The following AFTPH variants were observed in gnomAD, a reference collection of about 807,000 sequenced individuals.
AFTPH encodes the protein aftiphilin.
In AFTPH, 7 loss-of-function variants were observed where a neutral mutation model predicts 72.5. That is an observed-to-expected ratio of 0.10 (90% CI 0.05 to 0.18). AFTPH has a LOEUF of 0.18. AFTPH is among the 10% of genes least tolerant of loss of function. AFTPH has a pLI of 1.00. For synonymous variants in AFTPH, 337 were observed against 370.1 expected (o/e 0.91, Z 1.03); for missense variants, 979 against 1,060.5 (o/e 0.92, Z 1.07).
chr2:64,527,556 G>T (rs954713846), intron 1 of AFTPH, among the ~76,000 whole-genome samples: 8 of 150,340 alleles, frequency 5.3e-5, no homozygotes, highest in Admixed American at 5.3e-4. Context: ...CTCCAGCCTG[G>T]GCAACAAGAG....
chr2:64,567,577 C>T (rs1197445017), exon 3 of AFTPH: 18 of 1,607,872 alleles, frequency 1.1e-5, no homozygotes, highest in African/African-American at 4.0e-5. Context: ...TTTATTAAAC[C>T]GCCTGGAGCG....
intron 2 of AFTPH, among the ~76,000 whole-genome samples, chr2:64,563,380 CA>C: frequency 6.6e-6 from 1 of 152,282 alleles, no homozygotes; most frequent in South Asian, 2.1e-4. Context: ...AGTTTTGATA[CA>C]CCTTTTATCC....
chr2:64,553,312 A>G (rs746934237), exon 2 of AFTPH: 47 of 1,613,996 alleles, frequency 2.9e-5, no homozygotes, highest in South Asian at 1.9e-4. Context: ...GAAAATATTG[A>G]TACTCCAGGA....
At chr2:64,531,632 C>T (rs1437560769) in intron 1 of AFTPH, among the ~76,000 whole-genome samples, 7 of 152,252 alleles carry the variant, frequency 4.6e-5, no homozygotes, top group African/African-American at 1.7e-4. Context: ...AGCCACTAGC[C>T]AAATGTGTCA....
intron 1 of AFTPH, among the ~76,000 whole-genome samples, chr2:64,536,294 G>A (rs1669880419): frequency 6.6e-6 from 1 of 152,178 alleles, no homozygotes. Flanking sequence ...GGCTGAGCAT[G>A]GTGGCTCACG....
At chr2:64,555,808 C>A (rs1389658035) in intron 2 of AFTPH, among the ~76,000 whole-genome samples, 1 of 152,116 alleles carries the variant, frequency 6.6e-6, no homozygotes, top group Non-Finnish European at 1.5e-5. Context: ...CAAAGACTCT[C>A]GTTCTTACCC....
At chr2:64,577,580 C>T (rs547813283) in intron 6 of AFTPH, among the ~76,000 whole-genome samples, 2 of 152,312 alleles carry the variant, frequency 1.3e-5, no homozygotes, top group East Asian at 3.9e-4. Context: ...TTTGTCCATT[C>T]ATTCAGTGTT....
chr2:64,576,118 C>CACACACGT lies in AFTPH; in HGVS notation c.2394+3050_2394+3051insACACACGT, dbSNP rs1553404165. ...ACACACACACACACACACACACACA[C>CACACACGT]GTGTGTCATACAAATGAAATACGTG... On this transcript the variant is annotated intron_variant, in intron 6 of 8. Coordinates refer to ENST00000238856, the Ensembl canonical transcript of AFTPH. Among the ~76,000 whole-genome samples, 418 of 137,034 alleles carry CACACACGT rather than the reference C, an allele frequency of 3.1e-3. 2 individuals are homozygous for CACACACGT. The highest frequency in any genetic ancestry group is 0.01 in the African/African-American group (383 of 36,814). The allele number at this position is 137,034 out of a possible 152,430, so 89.9% of individuals were successfully genotyped here.
At chr2:64,592,991 ATAATT>A (rs1229385744) in exon 9 of AFTPH, 3 of 152,688 alleles carry the variant, frequency 2.0e-5, no homozygotes, top group Non-Finnish European at 2.9e-5. Context: ...CAAAAATAAA[ATAATT>A]TAAAAGAAAT....
exon 3 of AFTPH, chr2:64,567,646 T>C (rs766477381): frequency 5.0e-6 from 8 of 1,613,512 alleles, no homozygotes; most frequent in African/African-American, 1.3e-5. Flanking sequence ...GGAAGTTACT[T>C]CCCTGAAGCA....
chr2:64,524,361 G>C, exon 1 of AFTPH: 3 of 402,424 alleles, frequency 7.5e-6, no homozygotes, highest in Non-Finnish European at 1.3e-5. Context: ...GAGTGGGCGG[G>C]GGGTCTCCGC....
At chr2:64,553,900 A>G (rs1302558750) in intron 2 of AFTPH, among the ~76,000 whole-genome samples, 1 of 152,034 alleles carries the variant, frequency 6.6e-6, no homozygotes, top group Non-Finnish European at 1.5e-5. Context: ...CCAGGAGAGA[A>G]CAAGCAGAAT....
At chr2:64,552,986 T>G in exon 2 of AFTPH, 2 of 1,614,164 alleles carry the variant, frequency 1.2e-6, no homozygotes, top group Non-Finnish European at 1.7e-6. Flanking sequence ...AACAGACTTC[T>G]GATAATTTAT....
intron 1 of AFTPH, among the ~76,000 whole-genome samples, chr2:64,551,164 C>T (rs760995567): frequency 6.6e-6 from 1 of 152,002 alleles, no homozygotes; most frequent in Non-Finnish European, 1.5e-5. Context: ...TATCTGGAAT[C>T]CCCACATTTC....
At chr2:64,529,626 CA>C (rs1388376448) in intron 1 of AFTPH, among the ~76,000 whole-genome samples, 1 of 139,174 alleles carries the variant, frequency 7.2e-6, no homozygotes, top group Admixed American at 7.3e-5. Flanking sequence ...CAAAAAAAAA[CA>C]AATCACTTTT....
intron 1 of AFTPH, among the ~76,000 whole-genome samples, chr2:64,549,191 G>C (rs1288077518): frequency 1.3e-5 from 2 of 151,466 alleles, no homozygotes; most frequent in Admixed American, 1.3e-4. Flanking sequence ...AAAACTGGTT[G>C]AATTTTGTAG....
intron 2 of AFTPH, among the ~76,000 whole-genome samples, chr2:64,566,644 A>G (rs756332917): frequency 1.2e-4 from 18 of 152,100 alleles, no homozygotes; most frequent in Non-Finnish European, 2.4e-4. Flanking sequence ...TGGAAAATAT[A>G]TTACATGTAT....
chr2:64,578,651 G>A (rs974692105), intron 6 of AFTPH, among the ~76,000 whole-genome samples: 2 of 151,604 alleles, frequency 1.3e-5, no homozygotes, highest in East Asian at 1.9e-4. Context: ...TCCACCTCCC[G>A]GGTTCAAGCA....
At chr2:64,549,893 A>C (rs1415309776) in intron 1 of AFTPH, among the ~76,000 whole-genome samples, 1 of 152,186 alleles carries the variant, frequency 6.6e-6, no homozygotes, top group African/African-American at 2.4e-5. Context: ...AATAAAAGTG[A>C]ATATTTATTA....
Sources: allele counts gnomAD v4.1 joint callset (sites outside exome capture counted in the v4.1 genomes callset), GRCh38; gene constraint gnomAD v4.1.1; transcripts MANE v1.5; gene names NCBI Gene and HGNC (gene_info 2026-07-23, HGNC 2026-07-21).